The following DNAJC6 variants were observed in gnomAD, a reference collection of about 807,000 sequenced individuals.
DNAJC6 encodes DnaJ heat shock protein family (Hsp40) member C6.
In DNAJC6, 34 loss-of-function variants were observed where a neutral mutation model predicts 110.0. The observed-to-expected ratio is 0.31, with a 90% CI of 0.24 to 0.41. The LOEUF is 0.41. Among genes scored for constraint, DNAJC6 ranks in the 10% least tolerant of loss-of-function variants. The pLI is 1.00. For synonymous variants in DNAJC6, 406 were observed against 437.2 expected, an observed-to-expected ratio of 0.93 and a Z score of 0.89; for missense variants, 1,031 against 1,207.8, an observed-to-expected ratio of 0.85 and a Z score of 2.17.
At position 65,361,429 on chromosome 1, in the gene DNAJC6, G is replaced by A. The variant is rs557969729; in HGVS notation, c.194-3206G>A. On this transcript the variant is annotated intron_variant, in intron 1 of 18. Transcript: ENST00000371069. The stretch of plus-strand genomic sequence containing the variant: ...AAGATCAGGATGGAAGAACATGACA[G>A]TCAACATGTATTTATAGATATATGT... 8.1e-4 allele frequency among the ~76,000 whole-genome samples: 123 copies of A among 152,276 alleles called. 1 individual carries two copies. The highest frequency in any genetic ancestry group is 2.6e-3 in the African/African-American group (108 of 41,560).
At chr1:65,287,485 A>T (rs966459749) in intron 1 of DNAJC6, among the ~76,000 whole-genome samples, 2 of 151,950 alleles carry the variant, frequency 1.3e-5, no homozygotes, top group African/African-American at 4.8e-5. Flanking sequence ...ATTTCCTTTC[A>T]TTTATTTTAT....
chr1:65,377,304 C>T (rs1645776097), intron 4 of DNAJC6, among the ~76,000 whole-genome samples: 2 of 152,164 alleles, frequency 1.3e-5, no homozygotes, highest in South Asian at 4.1e-4. Flanking sequence ...TTTTATGATT[C>T]CTCTGACAGC....
chr1:65,406,060 A>G lies in DNAJC6; in HGVS notation c.2418A>G (p.Arg806=), dbSNP rs1646073299. Residue 806 remains arginine, a synonymous_variant, in exon 16 of 19, where the codon CGA becomes CGG. Coordinates refer to ENST00000371069, the MANE Select transcript of DNAJC6 (RefSeq NM_001256864.2). The stretch of plus-strand genomic sequence containing the variant: ...TGCCCCACTCCTCTCCCCAGAACCG[A>G]CCCAACTACAACGTGAGCTTCTCAG... ...PSMPHSSPQN[R]PNYNVSFSAM... 1.2e-6 allele frequency: 2 copies of G among 1,613,980 alleles called. No homozygotes were observed. The highest frequency in any genetic ancestry group is 2.2e-5 in the South Asian group (2 of 91,090).
intron 4 of DNAJC6, among the ~76,000 whole-genome samples, chr1:65,377,800 A>G (rs1645780478): frequency 6.6e-6 from 1 of 152,194 alleles, no homozygotes; most frequent in East Asian, 1.9e-4. Flanking sequence ...TAATCAAACA[A>G]ATTCCTCCTG....
intron 1 of DNAJC6, among the ~76,000 whole-genome samples, chr1:65,320,065 T>G (rs1296406504): frequency 2.0e-5 from 3 of 152,252 alleles, no homozygotes; most frequent in African/African-American, 4.8e-5. Context: ...TCAAAAGGTG[T>G]GAAGACTGGT....
chr1:65,409,649 C>T (rs897463867), intron 17 of DNAJC6, among the ~76,000 whole-genome samples: 2 of 152,160 alleles, frequency 1.3e-5, no homozygotes, highest in Non-Finnish European at 2.9e-5. Context: ...GTACCTGAGA[C>T]TTACCAATTC....
In DNAJC6 at chr1:65,377,052, C is replaced by T. The variant is rs9436722; in HGVS notation, c.544-2350C>T. On this transcript the variant is annotated intron_variant, in intron 4 of 18. Coordinates refer to ENST00000371069, the MANE Select transcript of DNAJC6 (RefSeq NM_001256864.2). ...TGTTGGGATTACAGGCGTGAGCCAC[C>T]ACACCTGGCCAATTTCTGTGTTTTT... Among the ~76,000 whole-genome samples the T allele has an allele frequency of 4.3e-3, 653 of 152,312 alleles. 7 individuals carry two copies. Among genetic ancestry groups the T allele is most frequent in the African/African-American group, 0.015 (629 of 41,550 alleles).
At chr1:65,277,219 C>A (rs1475369402) in intron 1 of DNAJC6, among the ~76,000 whole-genome samples, 1 of 151,984 alleles carries the variant, frequency 6.6e-6, no homozygotes, top group Non-Finnish European at 1.5e-5. Context: ...TCATTTTAAA[C>A]ATGTAAATTT....
intron 4 of DNAJC6, among the ~76,000 whole-genome samples, chr1:65,372,284 G>A (rs1001308433): frequency 2.0e-5 from 3 of 151,390 alleles, no homozygotes; most frequent in African/African-American, 7.3e-5. Flanking sequence ...CAATAAAATG[G>A]GTTCACCTGT....
chr1:65,286,677 G>A (rs1335524227), intron 1 of DNAJC6, among the ~76,000 whole-genome samples: 1 of 152,174 alleles, frequency 6.6e-6, no homozygotes, highest in African/African-American at 2.4e-5. Context: ...CTCTAGTGAG[G>A]TGATGAATGT....
chr1:65,281,062 G>A (rs974482999), intron 1 of DNAJC6, among the ~76,000 whole-genome samples: 1 of 151,858 alleles, frequency 6.6e-6, no homozygotes, highest in African/African-American at 2.4e-5. Context: ...CAGCCTTCTG[G>A]GTAGGTGGGT....
At chr1:65,385,560 C>T (rs549869104) in intron 6 of DNAJC6, 152 bp from the exon 7 acceptor site, 11 of 608,616 alleles carry the variant, frequency 1.8e-5, no homozygotes, top group Admixed American at 7.2e-5. Flanking sequence ...AATTATTGAT[C>T]GCATTATCTT....
chr1:65,393,697 GA>G (rs1466015418), intron 12 of DNAJC6, among the ~76,000 whole-genome samples: 1 of 152,118 alleles, frequency 6.6e-6, no homozygotes, highest in Non-Finnish European at 1.5e-5. Context: ...AGCTCCTGAA[GA>G]ACCCACTCAA....
intron 1 of DNAJC6, among the ~76,000 whole-genome samples, chr1:65,341,645 C>G (rs149368299): frequency 2.0e-5 from 3 of 152,108 alleles, no homozygotes; most frequent in African/African-American, 7.2e-5. Context: ...AGATGGAAAG[C>G]ATATTTACAG....
intron 1 of DNAJC6, among the ~76,000 whole-genome samples, chr1:65,278,474 T>G (rs1193606746): frequency 6.6e-6 from 1 of 152,214 alleles, no homozygotes; most frequent in Non-Finnish European, 1.5e-5. Context: ...GTTCCCCAAC[T>G]CTGACTCTAG....
intron 11 of DNAJC6, 54 bp from the exon 12 acceptor site, chr1:65,392,377 C>T: frequency 1.4e-6 from 2 of 1,475,576 alleles, no homozygotes. Context: ...ATAACAAAAA[C>T]CAACAATGCT....
chr1:65,384,352 G>A (rs1177910962), intron 6 of DNAJC6, 26 bp downstream of exon 6: 3 of 1,510,180 alleles, frequency 2.0e-6, no homozygotes, highest in African/African-American at 1.4e-5. Flanking sequence ...TGCAGGCTAG[G>A]CACAGATGTA....
chr1:65,294,641 T>C (rs996071985), intron 1 of DNAJC6, among the ~76,000 whole-genome samples: 4 of 152,188 alleles, frequency 2.6e-5, no homozygotes, highest in Non-Finnish European at 4.4e-5. Flanking sequence ...GGTGGAAAAA[T>C]ATATAAAATA....
chr1:65,411,315 A>T lies in DNAJC6; in HGVS notation c.2700A>T (p.Val900=), dbSNP rs1459630301. 1.2e-6 allele frequency: 2 copies of T among 1,614,220 alleles called. No individual in the cohort carries two copies. Among genetic ancestry groups the T allele is most frequent in the Admixed American group, 3.3e-5 (2 of 60,028 alleles). ...CCCTTCTTTCCACGATGCATACCGT[A>T]CTATGGGCTGGGGAGACCAAGTGGA... ...IRALLSTMHT[V]LWAGETKWKP... The change falls in exon 18 of 19, where the codon GTA becomes GTT. Residue 900 remains valine (V), a synonymous_variant. Transcript: ENST00000371069.
Sources: gnomAD v4.1 joint callset for allele counts (sites outside exome capture counted in the v4.1 genomes callset) on GRCh38, gnomAD v4.1.1 for gene constraint, MANE v1.5 for transcripts, NCBI Gene and HGNC (gene_info 2026-07-23, HGNC 2026-07-21) for gene names.